PHACTR3: variants seen among roughly 807,000 people sequenced by gnomAD.
PHACTR3 encodes the protein protein phosphatase 1, regulatory subunit 123.
Under a neutral mutation model 66.8 loss-of-function variants are expected in PHACTR3, and 16 were observed. The observed-to-expected ratio is 0.24, with a 90% confidence interval of 0.16 to 0.36. PHACTR3 has a LOEUF of 0.36. Among genes scored for constraint, PHACTR3 ranks in the 10% least tolerant of loss-of-function variants. The pLI, the probability that PHACTR3 is intolerant of heterozygous loss-of-function variation, is 1.00. For missense variants in PHACTR3, 647 were observed against 719.9 expected (o/e 0.90, Z 1.16); for synonymous variants, 323 against 292.1 (o/e 1.11, Z -1.08).
chr20:59,693,994 C>G (rs11698504), intron 1 of PHACTR3, among the ~76,000 whole-genome samples: 1 of 152,208 alleles, frequency 6.6e-6, no homozygotes, highest in Non-Finnish European at 1.5e-5. Context: ...ATGGGAAGAA[C>G]AGAGTTCACT....
At chr20:59,814,296 G>A (rs576101614) in intron 8 of PHACTR3, among the ~76,000 whole-genome samples, 3 of 152,320 alleles carry the variant, frequency 2.0e-5, no homozygotes, top group Non-Finnish European at 2.9e-5. Context: ...CAGAGAGGAC[G>A]GCAGAGCTGG....
In PHACTR3 at chr20:59,838,317, C is replaced by T. The variant is rs534931899; in HGVS notation, c.1384+1757C>T. 1.3e-4 allele frequency among the ~76,000 whole-genome samples: 20 copies of T among 152,282 alleles called. No individual in the cohort carries two copies. The East Asian group carries it at 2.7e-3, about 21-fold the overall frequency. The stretch of plus-strand genomic sequence containing the variant: ...GGCTCTAGATACACAGGACTTCAAG[C>T]ACTCATACTGTATTGTATTTTCTTC... On this transcript the variant is annotated intron_variant, in intron 9 of 12. Coordinates refer to ENST00000371015, the MANE Select transcript of PHACTR3 (RefSeq NM_080672.5).
intron 1 of PHACTR3, among the ~76,000 whole-genome samples, chr20:59,728,872 T>G (rs2038661156): frequency 6.6e-6 from 1 of 151,792 alleles, no homozygotes; most frequent in African/African-American, 2.4e-5. Context: ...GCGGAGAATT[T>G]TGGGTTGGGT....
intron 1 of PHACTR3, among the ~76,000 whole-genome samples, chr20:59,629,021 T>G (rs2034566587): frequency 6.6e-6 from 1 of 152,182 alleles, no homozygotes; most frequent in Non-Finnish European, 1.5e-5. Context: ...CTTAGCGAAT[T>G]CCACCAGGTT....
chr20:59,686,545 G>A (rs983120178), intron 1 of PHACTR3, among the ~76,000 whole-genome samples: 10 of 149,398 alleles, frequency 6.7e-5, no homozygotes, highest in Non-Finnish European at 1.5e-4. Flanking sequence ...GATGATGGTC[G>A]TGATGATGAT....
chr20:59,805,491 G>A (rs903623320), intron 7 of PHACTR3, among the ~76,000 whole-genome samples: 1 of 152,220 alleles, frequency 6.6e-6, no homozygotes, highest in Non-Finnish European at 1.5e-5. Context: ...TGAAGGCTCA[G>A]AGGGTTTCTG....
At chr20:59,686,328 C>T (rs550382714) in intron 1 of PHACTR3, among the ~76,000 whole-genome samples, 2 of 152,328 alleles carry the variant, frequency 1.3e-5, no homozygotes, top group Admixed American at 6.5e-5. Context: ...GCCACAAAAC[C>T]TCAGTCTCCT....
chr20:59,761,355 C>A (rs923041192), intron 4 of PHACTR3, among the ~76,000 whole-genome samples: 1 of 152,134 alleles, frequency 6.6e-6, no homozygotes, highest in Non-Finnish European at 1.5e-5. Context: ...GGAGGAACCT[C>A]ATCTGGGAGT....
chr20:59,774,281 G>T lies in PHACTR3; in HGVS notation c.965G>T (p.Arg322Leu). The T allele has an allele frequency of 6.2e-7, 1 of 1,608,390 alleles. No individual in the cohort carries two copies. Among genetic ancestry groups the T allele is most frequent in the Non-Finnish European group, 8.5e-7 (1 of 1,177,778 alleles). ...GRESKGSPKK[R>L]LDVRLSRTSS... The stretch of plus-strand genomic sequence containing the variant: ...GAAAGTAAAGGGTCTCCAAAGAAGC[G>T]GCTGGATGTCCGTCTGTCGAGAACG... Residue 322 changes from arginine (R) to leucine (L), a missense_variant, in exon 7 of 13, where the codon CGG (arginine) becomes CTG (leucine). Arg to Leu is a moderately radical substitution (Grantham distance 102). This residue lies in a region of PHACTR3 where 577 missense variants were observed against 571.1 expected (regional missense o/e 1.01). Transcript: ENST00000371015.
At chr20:59,746,812 C>T (rs1430798191) in intron 2 of PHACTR3, among the ~76,000 whole-genome samples, 4 of 152,160 alleles carry the variant, frequency 2.6e-5, no homozygotes, top group Admixed American at 6.5e-5. Context: ...ATGAGCAGGG[C>T]GGGCACTGCT....
chr20:59,711,522 C>T (rs887505297), intron 1 of PHACTR3, among the ~76,000 whole-genome samples: 3 of 152,050 alleles, frequency 2.0e-5, no homozygotes, highest in African/African-American at 7.2e-5. Flanking sequence ...GGGTTTTGTC[C>T]TGATAAACTC....
intron 1 of PHACTR3, among the ~76,000 whole-genome samples, chr20:59,587,860 G>A (rs558203113): frequency 6.6e-6 from 1 of 152,310 alleles, no homozygotes; most frequent in Non-Finnish European, 1.5e-5. Flanking sequence ...AGCAAGGGTG[G>A]CTGAATCCTC....
chr20:59,790,630 A>G (rs893969013), intron 7 of PHACTR3, among the ~76,000 whole-genome samples: 1 of 152,236 alleles, frequency 6.6e-6, no homozygotes, highest in African/African-American at 2.4e-5. Flanking sequence ...GGATTAAAAC[A>G]CCCTGCTTTG....
chr20:59,665,384 T>A (rs1369096240), intron 1 of PHACTR3, among the ~76,000 whole-genome samples: 1 of 152,180 alleles, frequency 6.6e-6, no homozygotes, highest in African/African-American at 2.4e-5. Context: ...TACTCAAAGG[T>A]GTTTGATTTC....
intron 9 of PHACTR3, among the ~76,000 whole-genome samples, chr20:59,837,462 T>C (rs1372182091): frequency 2.0e-5 from 3 of 152,196 alleles, no homozygotes; most frequent in Non-Finnish European, 4.4e-5. Context: ...CCCTCCTTTC[T>C]TTGCCTCAGT....
At chr20:59,640,970 A>C (rs1116089) in intron 1 of PHACTR3, among the ~76,000 whole-genome samples, 108,106 of 151,620 alleles carry the variant, frequency 0.71, 38,719 homozygotes, top group East Asian at 0.9. Context: ...GTTTCTCTCT[A>C]TATATATGCA....
chr20:59,689,968 A>C (rs2146575577), intron 1 of PHACTR3, among the ~76,000 whole-genome samples: 1 of 152,152 alleles, frequency 6.6e-6, no homozygotes, highest in African/African-American at 2.4e-5. Context: ...GGCCCATCTA[A>C]TTGGGTTTCT....
intron 1 of PHACTR3, among the ~76,000 whole-genome samples, chr20:59,696,941 A>G (rs563892818): frequency 1.3e-5 from 2 of 152,300 alleles, no homozygotes; most frequent in African/African-American, 4.8e-5. Context: ...TGGAGACTGA[A>G]TCTATTGGTG....
At chr20:59,632,409 A>G (rs1048493001) in intron 1 of PHACTR3, among the ~76,000 whole-genome samples, 3 of 152,144 alleles carry the variant, frequency 2.0e-5, no homozygotes, top group Non-Finnish European at 4.4e-5. Context: ...CTGTTCTAGG[A>G]CTTCAGTTGA....
Sources: gnomAD v4.1 joint callset for allele counts (sites outside exome capture counted in the v4.1 genomes callset) on GRCh38, gnomAD v4.1.1 for gene constraint, gnomAD v4.1.1 regional missense constraint, MANE v1.5 for transcripts, NCBI Gene and HGNC (gene_info 2026-07-23, HGNC 2026-07-21) for gene names.